Variants in IL17RC observed in about 807,000 individuals in gnomAD.
The protein encoded by IL17RC is interleukin-17 receptor C.
A neutral mutation model predicts 86.7 loss-of-function variants in IL17RC; 53 were observed. The ratio of observed to expected loss-of-function variants is 0.61; its 90% CI spans 0.49 to 0.77. The LOEUF (loss-of-function observed/expected upper bound fraction) is 0.77. IL17RC is among the 30% of genes least tolerant of loss of function. The probability of loss-of-function intolerance (pLI) is 0.00; values close to 1 mark genes in which losing one functional copy is unlikely to be tolerated. For synonymous variants in IL17RC, 439 were observed against 413.1 expected (o/e 1.06, Z -0.76); for missense variants, 957 against 940.0 (o/e 1.02, Z -0.24).
chr3:9,920,704 G>A (rs758771335), intron 6 of IL17RC, 102 bp downstream of exon 6: 9 of 864,522 alleles, frequency 1.0e-5, no homozygotes, highest in Admixed American at 4.1e-5. Context: ...TCCGGCAGGG[G>A]TCTGAGCTGC....
intron 7 of IL17RC, among the ~76,000 whole-genome samples, chr3:9,921,749 C>G (rs532551872): frequency 6.6e-6 from 1 of 150,484 alleles, no homozygotes; most frequent in South Asian, 2.1e-4. Context: ...CTCAGCCTCC[C>G]GAGTAGCTGG....
At chr3:9,917,801 C>T (rs1273739801) in intron 2 of IL17RC, 67 bp downstream of exon 2, 1 of 1,605,850 alleles carries the variant, frequency 6.2e-7, no homozygotes, top group African/African-American at 1.3e-5. Context: ...GTCCCAGGCC[C>T]ATGCCCTCCA....
At chr3:9,922,488 A>G (rs2083664985) in intron 7 of IL17RC, among the ~76,000 whole-genome samples, 1 of 152,232 alleles carries the variant, frequency 6.6e-6, no homozygotes, top group African/African-American at 2.4e-5. Flanking sequence ...TTCTTCCTTC[A>G]TTAAGTAGAC....
rs367817377 is a variant in IL17RC, at chr3:9,925,560, G to T, written c.822+1269G>T. ...TTCTAGACTGTTTCAACACCTCCAA[G>T]CTCCCCTCCCTTCCCATCACTTTCC... On this transcript the variant is annotated intron_variant, in intron 9 of 18. Transcript: ENST00000403601. Among the ~76,000 whole-genome samples the T allele has an allele frequency of 1.1e-4, 16 of 152,020 alleles. 1 individual carries two copies. Among genetic ancestry groups the T allele is most frequent in the East Asian group, 9.7e-4 (5 of 5,158 alleles).
chr3:9,929,853 T>C lies in IL17RC; in HGVS notation c.1112T>C (p.Val371Ala), dbSNP rs1006074851. ...CTAACCATGGTCTCTTCCCAGCAGG[T>C]GAACAGCTCGGAGAAGCTGCAGCTG... ...LKGHPNLCVQ[V>A]NSSEKLQLQE... The change falls in exon 13 of 19, where the codon GTG (valine) becomes GCG (alanine). Residue 371 changes from valine (V) to alanine (A), a missense_variant and splice_region_variant. Physicochemically the swap from Val to Ala is moderately conservative, Grantham distance 64. Transcript: ENST00000403601. 3.7e-6 allele frequency: 6 copies of C among 1,613,994 alleles called. No individual in the cohort carries two copies. The African/African-American group carries it at 4.0e-5, about 11-fold the overall frequency.
intron 12 of IL17RC, chr3:9,929,292 T>TGACAGAGTGAGACTGGGC (rs930331388): frequency 1.9e-5 from 3 of 154,270 alleles, no homozygotes; most frequent in African/African-American, 7.3e-5. Context: ...CCAGCCTGGG[T>TGACAGAGTGAGACTGGGC]GACAGAGTGA....
chr3:9,919,518 C>T lies in IL17RC; in HGVS notation c.465+909C>T, dbSNP rs142477306. Among the ~76,000 whole-genome samples the T allele has an allele frequency of 1.2e-3, 175 of 151,972 alleles. 1 individual carries two copies. Among genetic ancestry groups the T allele is most frequent in the Middle Eastern group, 3.4e-3 (1 of 294 alleles). ...AAAATTAGCCAGGCATGGTGGTGGG[C>T]GCCTGTAGACCCAGCTACTCGGGAG... On this transcript the variant is annotated intron_variant, in intron 5 of 18. Transcript: ENST00000403601.
At chr3:9,928,267 G>A in intron 10 of IL17RC, 38 bp from the exon 11 acceptor site, 4 of 1,613,840 alleles carry the variant, frequency 2.5e-6, no homozygotes, top group Non-Finnish European at 3.4e-6. Flanking sequence ...GCGAGCGATG[G>A]GTACCTGGCC....
chr3:9,932,658 G>C lies in IL17RC; in HGVS notation c.1438G>C (p.Ala480Pro). ...GTGGCTGGCCTGCCTACTCTTTGCC[G>C]CTGCGCTTTCCCTCATCCTCCTTCT... ...LVWLACLLFAAALSLILLLKK... is the reference protein window; with the variant it reads ...LVWLACLLFAPALSLILLLKK... The change falls in exon 17 of 19, where the codon GCT becomes CCT. Residue 480 changes from alanine (A) to proline (P), a missense_variant. Physicochemically the swap from Ala to Pro is conservative, Grantham distance 27 (BLOSUM62 -1). Coordinates refer to ENST00000403601, the MANE Select transcript of IL17RC (RefSeq NM_153460.4). 2 of 1,614,116 alleles carry C rather than the reference G, an allele frequency of 1.2e-6. No homozygotes were observed. Among genetic ancestry groups the C allele is most frequent in the Non-Finnish European group, 1.7e-6 (2 of 1,180,026 alleles).
intron 12 of IL17RC, chr3:9,929,593 TGA>T (rs1394867867): frequency 1.9e-6 from 1 of 535,714 alleles, no homozygotes; most frequent in East Asian, 3.2e-5. Flanking sequence ...GAAGGTTAGA[TGA>T]GAGGGGAACC....
chr3:9,917,994 C>A lies in IL17RC; in HGVS notation c.199C>A (p.Gln67Lys), dbSNP rs1057518751. The A allele has an allele frequency of 3.1e-6, 5 of 1,613,836 alleles. No homozygotes were observed. Among genetic ancestry groups the A allele is most frequent in the Non-Finnish European group, 4.2e-6 (5 of 1,179,920 alleles). The change falls in exon 3 of 19, where the codon CAG (glutamine) becomes AAG (lysine). Residue 67 changes from glutamine to lysine, a missense_variant. Coordinates refer to ENST00000403601, the MANE Select transcript of IL17RC (RefSeq NM_153460.4). The part of the protein sequence containing the change: ...PGPVLAPTHL[Q>K]TELVLRCQKE... Reference sequence around the variant, plus strand: ...CCCCGTGCTGGCGCCTACGCACCTGCAGACAGAGCTGGTGCTGAGGTGCCA... The same window carrying A: ...CCCCGTGCTGGCGCCTACGCACCTGAAGACAGAGCTGGTGCTGAGGTGCCA...
intron 1 of IL17RC, 125 bp downstream of exon 1, chr3:9,917,545 C>G (rs865832079): frequency 6.2e-7 from 1 of 1,611,982 alleles, no homozygotes; most frequent in Admixed American, 1.7e-5. Flanking sequence ...CTGTCTGGTG[C>G]TGATGGTAGA....
intron 6 of IL17RC, 40 bp downstream of exon 6, chr3:9,920,642 C>T: frequency 7.4e-7 from 1 of 1,348,244 alleles, no homozygotes; most frequent in South Asian, 1.2e-5. Context: ...AGCCTCTGTC[C>T]CCTCTGGCCA....
chr3:9,931,756 C>T (rs544373767), intron 16 of IL17RC, among the ~76,000 whole-genome samples: 2 of 151,582 alleles, frequency 1.3e-5, no homozygotes, highest in Admixed American at 6.6e-5. Flanking sequence ...CCGCCCGCGT[C>T]GGCCTCCCAA....
chr3:9,928,507 C>T, intron 11 of IL17RC, 21 bp downstream of exon 11: 1 of 1,613,474 alleles, frequency 6.2e-7, no homozygotes, highest in Non-Finnish European at 8.5e-7. Context: ...CAGAGGGCAC[C>T]TCCCGTGGTG....
intron 9 of IL17RC, among the ~76,000 whole-genome samples, chr3:9,925,306 C>T (rs1439549402): frequency 6.6e-6 from 1 of 151,890 alleles, no homozygotes. Context: ...TCAGTAAAGA[C>T]AGGGTTTCAC....
At position 9,930,847 on chromosome 3, in the gene IL17RC, G is replaced by T. The variant is rs1484975773; in HGVS notation, c.1339-48G>T. The T allele has an allele frequency of 3.2e-6, 5 of 1,562,782 alleles. No individual in the cohort carries two copies. Among genetic ancestry groups the T allele is most frequent in the Non-Finnish European group, 4.4e-6 (5 of 1,133,248 alleles). On this transcript the variant is annotated intron_variant, in intron 15 of 18. Coordinates refer to ENST00000403601, the MANE Select transcript of IL17RC (RefSeq NM_153460.4). This position sits in a 1 kb window ranked among gnomAD's most constrained non-coding sequence, Gnocchi z 5.8. Reference sequence around the variant, plus strand: ...AGGCCACCAGAGCTTGGTGAATATTGGAACACCTGGCTGGTGCCCTGGATT... The same window carrying T: ...AGGCCACCAGAGCTTGGTGAATATTTGAACACCTGGCTGGTGCCCTGGATT...
At chr3:9,920,461 C>T (rs760297352) in intron 5 of IL17RC, 30 bp from the exon 6 acceptor site, 7 of 1,431,962 alleles carry the variant, frequency 4.9e-6, no homozygotes, top group South Asian at 2.4e-5. Context: ...AGCCCTGCAC[C>T]GCCAGCCTTC....
intron 5 of IL17RC, among the ~76,000 whole-genome samples, chr3:9,919,560 G>T (rs997335649): frequency 1.3e-5 from 2 of 152,020 alleles, no homozygotes; most frequent in Non-Finnish European, 2.9e-5. Context: ...GCAGGAGAAT[G>T]GCGTGAACCC....
Sources: allele counts gnomAD v4.1 joint callset (sites outside exome capture counted in the v4.1 genomes callset), GRCh38; gene constraint gnomAD v4.1.1; non-coding constraint Gnocchi (gnomAD v3.1); transcripts MANE v1.5; gene names NCBI Gene and HGNC (gene_info 2026-07-23, HGNC 2026-07-21).